Variants in GNA14 observed in about 807,000 individuals in gnomAD.
The protein encoded by GNA14 is guanine nucleotide-binding protein subunit alpha-14.
A neutral mutation model predicts 42.0 loss-of-function variants in GNA14; 50 were observed. The ratio of observed to expected loss-of-function variants is 1.19; its 90% CI spans 0.95 to 1.51. The LOEUF is 1.51. Ranked by LOEUF, GNA14 falls within the 40% of genes most tolerant of loss-of-function variation. GNA14 has a pLI of 0.00. For missense variants in GNA14, 473 were observed against 446.2 expected, an observed-to-expected ratio of 1.06 and a Z score of -0.54; for synonymous variants, 173 against 163.1, an observed-to-expected ratio of 1.06 and a Z score of -0.46.
At chr9:77,611,337 C>T (rs1013811182) in intron 1 of GNA14, among the ~76,000 whole-genome samples, 2 of 152,318 alleles carry the variant, frequency 1.3e-5, no homozygotes, top group South Asian at 2.1e-4. Context: ...GCTACATGGG[C>T]AGGCCCAGAT....
intron 1 of GNA14, among the ~76,000 whole-genome samples, chr9:77,565,101 C>T (rs1332017926): frequency 6.6e-6 from 1 of 152,180 alleles, no homozygotes; most frequent in Non-Finnish European, 1.5e-5. Flanking sequence ...TTGTAGTTCT[C>T]TGTTTTATTA....
At chr9:77,605,802 C>T (rs1474270512) in intron 1 of GNA14, among the ~76,000 whole-genome samples, 6 of 152,188 alleles carry the variant, frequency 3.9e-5, no homozygotes, top group Non-Finnish European at 8.8e-5. Context: ...TAGCAAGTTT[C>T]GCCCCTTAGT....
At position 77,438,580 on chromosome 9, in the gene GNA14, T is replaced by A. The variant is rs988787404; in HGVS notation, c.310-4058A>T. Among the ~76,000 whole-genome samples the A allele has an allele frequency of 1.1e-3, 161 of 151,544 alleles. 2 individuals carry two copies. The highest frequency in any genetic ancestry group is 2.0e-3 in the Admixed American group (31 of 15,244). On this transcript the variant is annotated intron_variant, in intron 2 of 6. Coordinates refer to ENST00000341700, the MANE Select transcript of GNA14 (RefSeq NM_004297.4). ...ACCACGCCTAGCCGATTTTTTTTTT[T>A]AAAAAAAACCTTTTACTGTGAAATA...
chr9:77,462,810 A>T (rs1245845314), intron 2 of GNA14, among the ~76,000 whole-genome samples: 1 of 151,964 alleles, frequency 6.6e-6, no homozygotes, highest in East Asian at 1.9e-4. Flanking sequence ...CCTCACCACC[A>T]TCCCTGCCTC....
chr9:77,501,709 A>ATT (rs1287109889), intron 2 of GNA14, among the ~76,000 whole-genome samples: 1 of 94,280 alleles, frequency 1.1e-5, no homozygotes. Context: ...AGATTGGATA[A>ATT]TTTCTTTTTT....
chr9:77,431,302 A>G lies in GNA14; in HGVS notation c.593+19T>C, dbSNP rs1835548130. 2 of 1,611,332 alleles carry G rather than the reference A, an allele frequency of 1.2e-6. No individual in the cohort carries two copies. Among genetic ancestry groups the G allele is most frequent in the Middle Eastern group, 1.7e-4 (1 of 6,046 alleles). On this transcript the variant is annotated intron_variant, in intron 4 of 6. Coordinates refer to ENST00000341700, the MANE Select transcript of GNA14 (RefSeq NM_004297.4). ...AGCCTGGGCAGATTCTTCATGGTACATCAGGGAGACAGACTTACCGAAAGA... is the reference window on the plus strand; with the variant it reads ...AGCCTGGGCAGATTCTTCATGGTACGTCAGGGAGACAGACTTACCGAAAGA...
rs11384727 is a variant in GNA14 at position 77,634,417 on chromosome 9, GAA to G, written c.124+13251_124+13252del. Among the ~76,000 whole-genome samples the G allele has an allele frequency of 2.1e-4, 18 of 84,712 alleles. No individual in the cohort carries two copies. The East Asian group carries it at 3.3e-3, about 15-fold the overall frequency. The allele number at this position is 84,712 out of a possible 152,430, so 55.6% of individuals were successfully genotyped here. On this transcript the variant is annotated intron_variant, in intron 1 of 6. Transcript: ENST00000341700. ...ACAGAGTGAGACCCTGTCTCAAAAA[GAA>G]AAAAAAAAAAAAAAAGGAAGGAAGG... is the stretch of plus-strand genomic sequence containing the variant.
chr9:77,528,965 A>T, intron 2 of GNA14, 104 bp downstream of exon 2: 1 of 952,244 alleles, frequency 1.1e-6, no homozygotes, highest in Admixed American at 1.8e-5. Flanking sequence ...AGGGAACAAG[A>T]GCTTCTTCTG....
chr9:77,556,388 G>A (rs1217480657), intron 1 of GNA14, among the ~76,000 whole-genome samples: 3 of 152,108 alleles, frequency 2.0e-5, no homozygotes, highest in Non-Finnish European at 4.4e-5. Context: ...GGAAAAAGAG[G>A]GGCCATGACA....
At chr9:77,488,207 T>C (rs1028586886) in intron 2 of GNA14, among the ~76,000 whole-genome samples, 6 of 151,816 alleles carry the variant, frequency 4.0e-5, no homozygotes, top group African/African-American at 9.7e-5. Context: ...TGTGAGGAGG[T>C]GGTAAGATAA....
At chr9:77,557,783 T>G (rs1032771106) in intron 1 of GNA14, among the ~76,000 whole-genome samples, 6 of 152,116 alleles carry the variant, frequency 3.9e-5, no homozygotes, top group African/African-American at 1.2e-4. Context: ...TAATCAAGAA[T>G]GAAGAGGAAA....
intron 2 of GNA14, among the ~76,000 whole-genome samples, chr9:77,502,920 C>CAG (rs1364321637): frequency 6.6e-6 from 1 of 152,138 alleles, no homozygotes; most frequent in East Asian, 1.9e-4. Context: ...TCTCAGGGAG[C>CAG]AGGCCTTTGT....
intron 2 of GNA14, among the ~76,000 whole-genome samples, chr9:77,463,916 A>G (rs1836163480): frequency 6.8e-6 from 1 of 147,376 alleles, no homozygotes; most frequent in Non-Finnish European, 1.5e-5. Flanking sequence ...TTTTTATATC[A>G]GCAAAGAAAA....
intron 1 of GNA14, among the ~76,000 whole-genome samples, chr9:77,537,436 T>G (rs565311412): frequency 2.0e-4 from 30 of 152,244 alleles, no homozygotes; most frequent in Non-Finnish European, 3.7e-4. Flanking sequence ...GGCTGAATAG[T>G]ATCCCACTAT....
intron 1 of GNA14, among the ~76,000 whole-genome samples, chr9:77,560,815 T>C (rs1248717304): frequency 4.6e-5 from 7 of 152,160 alleles, no homozygotes; most frequent in Admixed American, 4.6e-4. Context: ...GAGGAGTTAC[T>C]TATTTTCTAT....
At chr9:77,437,864 G>T (rs963924932) in intron 2 of GNA14, among the ~76,000 whole-genome samples, 4 of 152,184 alleles carry the variant, frequency 2.6e-5, no homozygotes, top group African/African-American at 9.7e-5. Flanking sequence ...ACAAAGTTAA[G>T]TAAGCTGAAC....
At chr9:77,593,616 G>A (rs1823422051) in intron 1 of GNA14, among the ~76,000 whole-genome samples, 1 of 152,168 alleles carries the variant, frequency 6.6e-6, no homozygotes, top group African/African-American at 2.4e-5. Context: ...GACTTTTGAA[G>A]GCTGAAGGAG....
At chr9:77,562,731 A>G (rs1390036416) in intron 1 of GNA14, among the ~76,000 whole-genome samples, 33 of 152,222 alleles carry the variant, frequency 2.2e-4, no homozygotes, top group Admixed American at 2.2e-3. Flanking sequence ...ATGATAACCT[A>G]AAAGTTTGAA....
intron 1 of GNA14, among the ~76,000 whole-genome samples, chr9:77,556,344 T>A (rs972669864): frequency 1.3e-5 from 2 of 151,640 alleles, no homozygotes; most frequent in African/African-American, 4.9e-5. Flanking sequence ...TATATGGAGG[T>A]AGATGCTAAT....
Sources: gnomAD v4.1 joint callset for allele counts (sites outside exome capture counted in the v4.1 genomes callset) on GRCh38, gnomAD v4.1.1 for gene constraint, MANE v1.5 for transcripts, NCBI Gene and HGNC (gene_info 2026-07-23, HGNC 2026-07-21) for gene names.